LOC400499: variants seen among roughly 807,000 people sequenced by gnomAD.
the LOC400499 span, among the ~76,000 whole-genome samples, chr16:11,502,908 C>T: frequency 1.4e-5 from 2 of 147,720 alleles, no homozygotes; most frequent in Non-Finnish European, 3.0e-5. Flanking sequence ...GCCACCACAC[C>T]TGGACCACCT....
the LOC400499 span, among the ~76,000 whole-genome samples, chr16:11,474,150 G>A: frequency 9.9e-5 from 15 of 152,144 alleles, no homozygotes; most frequent in African/African-American, 3.4e-4. Context: ...TGAGCTATCC[G>A]CCGGCCAGAT....
chr16:11,414,364 A>G, the LOC400499 span: 3 of 399,436 alleles, frequency 7.5e-6, no homozygotes, highest in Admixed American at 1.3e-4. Flanking sequence ...GGGCAGGCCC[A>G]GCCTCTGGAG....
At chr16:11,473,711 C>A in the LOC400499 span, among the ~76,000 whole-genome samples, 1 of 151,164 alleles carries the variant, frequency 6.6e-6, no homozygotes, top group African/African-American at 2.4e-5. Context: ...GCCGAGACCG[C>A]ACCATTGCAC....
the LOC400499 span, among the ~76,000 whole-genome samples, chr16:11,436,178 G>A: frequency 1.3e-5 from 2 of 152,186 alleles, no homozygotes; most frequent in Non-Finnish European, 2.9e-5. Context: ...GGTCACATAT[G>A]CCACCTGAGT....
chr16:11,468,151 C>A, the LOC400499 span, among the ~76,000 whole-genome samples: 6 of 152,158 alleles, frequency 3.9e-5, no homozygotes, highest in African/African-American at 1.2e-4. Flanking sequence ...ATTTCAGACT[C>A]CTGGCCTCCA....
chr16:11,378,265 T>C, the LOC400499 span, among the ~76,000 whole-genome samples: 3 of 110,534 alleles, frequency 2.7e-5, no homozygotes, highest in Admixed American at 2.5e-4. Flanking sequence ...TTTTTTTTTT[T>C]TGCCGGGGGG....
At chr16:11,523,631 A>G in the LOC400499 span, 1 of 393,602 alleles carries the variant, frequency 2.5e-6, no homozygotes, top group Non-Finnish European at 4.5e-6. Context: ...AGGGAGGGCC[A>G]CAAAGACTGG....
the LOC400499 span, among the ~76,000 whole-genome samples, chr16:11,400,334 G>A: frequency 1.3e-5 from 2 of 152,088 alleles, no homozygotes; most frequent in Admixed American, 1.3e-4. Context: ...TCTCAAGCCC[G>A]GCTCCTTCCC....
At chr16:11,522,362 A>G in the LOC400499 span, among the ~76,000 whole-genome samples, 1 of 152,212 alleles carries the variant, frequency 6.6e-6, no homozygotes, top group African/African-American at 2.4e-5. Flanking sequence ...TTCTTCTAAT[A>G]TCAAGGTTTC....
At chr16:11,382,943 A>ATAGG in the LOC400499 span, among the ~76,000 whole-genome samples, 10 of 151,966 alleles carry the variant, frequency 6.6e-5, no homozygotes, top group African/African-American at 2.2e-4. Flanking sequence ...TTCATAAATG[A>ATAGG]GATAATTGGC....
the LOC400499 span, chr16:11,401,349 G>A: frequency 2.5e-6 from 1 of 399,546 alleles, no homozygotes. Context: ...GGGTGAGCCA[G>A]GGCCAGGCGG....
the LOC400499 span, among the ~76,000 whole-genome samples, chr16:11,405,623 G>A: frequency 6.6e-6 from 1 of 152,102 alleles, no homozygotes; most frequent in Non-Finnish European, 1.5e-5. Context: ...GGGGACTGCT[G>A]GGGTGGGGAA....
At chr16:11,494,599 G>A in the LOC400499 span, 1 of 399,094 alleles carries the variant, frequency 2.5e-6, no homozygotes, top group Non-Finnish European at 4.4e-6. Context: ...AGGGCTCCTG[G>A]ATGGTACAGT....
chr16:11,440,827 G>A, the LOC400499 span: 1 of 399,040 alleles, frequency 2.5e-6, no homozygotes, highest in Non-Finnish European at 4.4e-6. Flanking sequence ...CAAGCTCAGG[G>A]CCTGGGGGAA....
At chr16:11,436,917 T>C in the LOC400499 span, among the ~76,000 whole-genome samples, 3 of 152,130 alleles carry the variant, frequency 2.0e-5, no homozygotes, top group Non-Finnish European at 4.4e-5. Context: ...AAAGAATGCC[T>C]GGTGCTTCCT....
the LOC400499 span, among the ~76,000 whole-genome samples, chr16:11,401,807 C>T: frequency 6.6e-6 from 1 of 152,214 alleles, no homozygotes; most frequent in Non-Finnish European, 1.5e-5. Flanking sequence ...ACGGGGTAAG[C>T]ATTCAGGGCC....
the LOC400499 span, among the ~76,000 whole-genome samples, chr16:11,479,413 G>T: frequency 6.6e-6 from 1 of 151,110 alleles, no homozygotes; most frequent in Non-Finnish European, 1.5e-5. Flanking sequence ...AGGAGTTTAA[G>T]ACCAACCTGG....
chr16:11,421,877 G>C, the LOC400499 span, among the ~76,000 whole-genome samples: 1 of 152,310 alleles, frequency 6.6e-6, no homozygotes, highest in South Asian at 2.1e-4. Context: ...AGAATAGTGT[G>C]AACGACCATA....
the LOC400499 span, among the ~76,000 whole-genome samples, chr16:11,436,814 G>A: frequency 6.6e-6 from 1 of 151,710 alleles, no homozygotes; most frequent in African/African-American, 2.4e-5. Flanking sequence ...GGTTGGTCTC[G>A]AACTTCTGAC....
Sources: gnomAD v4.1 joint callset for allele counts (sites outside exome capture counted in the v4.1 genomes callset) on GRCh38, gnomAD v4.1.1 for gene constraint, MANE v1.5 for transcripts.